The following SLC12A6 variants were observed in gnomAD, a reference collection of about 807,000 sequenced individuals.
The protein encoded by SLC12A6 is solute carrier family 12 member 6, also known as K-Cl cotransporter 3.
In SLC12A6, 66 loss-of-function variants were observed where a neutral mutation model predicts 135.3. That is an observed-to-expected ratio of 0.49 (90% CI 0.40 to 0.60). The LOEUF is 0.60. Ranked by LOEUF, SLC12A6 falls within the 20% of genes least tolerant of loss-of-function variation. SLC12A6 has a pLI of 0.00. For missense variants in SLC12A6, 1,058 were observed against 1,452.3 expected (o/e 0.73, Z 4.41); for synonymous variants, 513 against 508.8 (o/e 1.01, Z -0.11).
In SLC12A6 at chr15:34,244,743, C is replaced by T. The variant is rs181936351; in HGVS notation, c.1943+542G>A. ...CACCCCTTATTTTCTTAGCAAATAA[C>T]CAGTTATTCTTCAAGATACAAGTAT... is the stretch of plus-strand genomic sequence containing the variant. On this transcript the variant is annotated intron_variant, in intron 15 of 25. Transcript: ENST00000354181. 4.4e-3 allele frequency among the ~76,000 whole-genome samples: 676 copies of T among 152,302 alleles called. 8 individuals are homozygous for T. The highest frequency in any genetic ancestry group is 0.015 in the African/African-American group (639 of 41,540).
chr15:34,313,848 T>G lies in SLC12A6; in HGVS notation c.271+22562A>C, dbSNP rs1888433458. 2.0e-5 allele frequency among the ~76,000 whole-genome samples: 3 copies of G among 151,606 alleles called. No individual in the cohort carries two copies. The South Asian group carries it at 6.2e-4, about 31-fold the overall frequency. The stretch of plus-strand genomic sequence containing the variant: ...CAAGCCAGGTGTAATGGTGCACATC[T>G]GCAGTCTCAGCTACTAGGAGGCTGA... On this transcript the variant is annotated intron_variant, in intron 2 of 25. Coordinates refer to ENST00000354181, the MANE Select transcript of SLC12A6 (RefSeq NM_001365088.1).
At chr15:34,325,090 C>T (rs971553646) in intron 2 of SLC12A6, among the ~76,000 whole-genome samples, 3 of 152,122 alleles carry the variant, frequency 2.0e-5, no homozygotes, top group East Asian at 1.9e-4. Context: ...AGCACTGTCT[C>T]GTACTACACT....
At position 34,295,038 on chromosome 15, in the gene SLC12A6, T is replaced by C. The variant is rs953379957; in HGVS notation, c.272-19649A>G. Among the ~76,000 whole-genome samples, 4 of 152,168 alleles carry C rather than the reference T, an allele frequency of 2.6e-5. No individual in the cohort carries two copies. In the East Asian group the frequency reaches 5.8e-4, roughly 22 times the overall value. On this transcript the variant is annotated intron_variant, in intron 2 of 25. Coordinates refer to ENST00000354181, the MANE Select transcript of SLC12A6 (RefSeq NM_001365088.1). ...AGTCTCCTAGTAGACATAACAACAA[T>C]AGAAAGAATTATCAACAGTTAGCAC...
At chr15:34,234,240 AAAG>A (rs1396000132) in intron 25 of SLC12A6, among the ~76,000 whole-genome samples, 2 of 152,238 alleles carry the variant, frequency 1.3e-5, no homozygotes, top group Non-Finnish European at 2.9e-5. Context: ...AAAAATGATG[AAAG>A]AAGAAGAAAA....
chr15:34,236,202 G>A lies in SLC12A6; in HGVS notation c.3043-3C>T. ...TTTCGGTCTTTCACCAATTGTGCCT[G>A]AGGAAGAAGGTCCAACACAAGTTAT... On this transcript the variant is annotated splice_polypyrimidine_tract_variant and splice_region_variant and intron_variant, in intron 23 of 25. Transcript: ENST00000354181. 6.2e-7 allele frequency: 1 copy of A among 1,612,188 alleles called. No homozygotes were observed. Among genetic ancestry groups the A allele is most frequent in the Non-Finnish European group, 8.5e-7 (1 of 1,178,264 alleles).
At chr15:34,310,330 C>CGT (rs1888090002) in intron 2 of SLC12A6, among the ~76,000 whole-genome samples, 2 of 73,528 alleles carry the variant, frequency 2.7e-5, no homozygotes, top group Non-Finnish European at 5.2e-5. Flanking sequence ...TGTGTGTCCC[C>CGT]GTGTCCAGGC....
chr15:34,322,978 CAAAAAAAAAAAA>C (rs1218702689), intron 2 of SLC12A6, among the ~76,000 whole-genome samples: 1 of 39,038 alleles, frequency 2.6e-5, no homozygotes, highest in African/African-American at 9.1e-5. Context: ...AACTCTGTCT[CAAAAAAAAAAAA>C]AAAAAAAAAA....
At chr15:34,283,882 G>A (rs1894854212) in intron 2 of SLC12A6, among the ~76,000 whole-genome samples, 1 of 151,886 alleles carries the variant, frequency 6.6e-6, no homozygotes, top group African/African-American at 2.4e-5. Context: ...CTAGTAGCTG[G>A]GATCACAGTC....
intron 19 of SLC12A6, among the ~76,000 whole-genome samples, chr15:34,239,547 G>A (rs1011351258): frequency 5.3e-5 from 8 of 152,146 alleles, no homozygotes; most frequent in African/African-American, 1.9e-4. Flanking sequence ...CCCCAGTCAT[G>A]CCCTGACTCA....
intron 2 of SLC12A6, among the ~76,000 whole-genome samples, chr15:34,283,588 C>G (rs544200948): frequency 1.3e-4 from 20 of 151,756 alleles, no homozygotes; most frequent in African/African-American, 4.8e-4. Context: ...TGGGAATCAG[C>G]TTGGTATATT....
intron 2 of SLC12A6, among the ~76,000 whole-genome samples, chr15:34,298,401 G>A (rs1352352258): frequency 3.3e-5 from 5 of 152,028 alleles, no homozygotes; most frequent in Non-Finnish European, 5.9e-5. Context: ...CTTGAACCCG[G>A]GAGGCGGAGG....
intron 4 of SLC12A6, among the ~76,000 whole-genome samples, chr15:34,260,696 T>C (rs555126285): frequency 2.6e-5 from 4 of 152,368 alleles, no homozygotes; most frequent in Admixed American, 1.3e-4. Context: ...GTAATCTATA[T>C]GTCCAAGAAG....
At chr15:34,237,669 G>T in intron 21 of SLC12A6, 119 bp from the exon 22 acceptor site, 1 of 793,516 alleles carries the variant, frequency 1.3e-6, no homozygotes, top group Non-Finnish European at 2.2e-6. Context: ...AAGGCTATTT[G>T]TTCCTAGCTT....
intron 2 of SLC12A6, among the ~76,000 whole-genome samples, chr15:34,290,144 T>C (rs1364816080): frequency 6.6e-6 from 1 of 152,258 alleles, no homozygotes; most frequent in Non-Finnish European, 1.5e-5. Flanking sequence ...TACACACTTC[T>C]TTAAATGTGT....
intron 2 of SLC12A6, among the ~76,000 whole-genome samples, chr15:34,331,837 CTAAAT>C (rs1211336374): frequency 6.6e-6 from 1 of 152,112 alleles, no homozygotes; most frequent in Non-Finnish European, 1.5e-5. Flanking sequence ...AAGGACTTAT[CTAAAT>C]TACTTTTATG....
rs183764736 is a variant in SLC12A6 at position 34,328,645 on chromosome 15, G to A, written c.271+7765C>T. Among the ~76,000 whole-genome samples, 108 of 152,258 alleles carry A rather than the reference G, an allele frequency of 7.1e-4. No homozygotes were observed. The Middle Eastern group carries it at 0.01, about 14-fold the overall frequency. ...TGTAATCCTAGCACTTTGGGAGGCC[G>A]AGATGGGCAGATCGCTTGAGCTCAG... On this transcript the variant is annotated intron_variant, in intron 2 of 25. Transcript: ENST00000354181.
At chr15:34,250,205 G>T in intron 13 of SLC12A6, 93 bp downstream of exon 13, 1 of 836,996 alleles carries the variant, frequency 1.2e-6, no homozygotes, top group Non-Finnish European at 2.1e-6. Context: ...GTGCCTGGCT[G>T]TGTTGAGTCT....
chr15:34,255,611 A>G (rs564735905), intron 7 of SLC12A6, among the ~76,000 whole-genome samples: 1 of 152,314 alleles, frequency 6.6e-6, no homozygotes, highest in South Asian at 2.1e-4. Flanking sequence ...ATATGAAGCA[A>G]TAGTTTGCCA....
chr15:34,326,739 T>A (rs1453597430), intron 2 of SLC12A6, among the ~76,000 whole-genome samples: 4 of 150,516 alleles, frequency 2.7e-5, no homozygotes, highest in Non-Finnish European at 5.9e-5. Context: ...TCACCCAGGC[T>A]GGAGTGCAGT....
Sources: allele counts gnomAD v4.1 joint callset (sites outside exome capture counted in the v4.1 genomes callset), GRCh38; gene constraint gnomAD v4.1.1; transcripts MANE v1.5; gene names NCBI Gene and HGNC (gene_info 2026-07-23, HGNC 2026-07-21).